GRIN2A: variants seen among roughly 807,000 people sequenced by gnomAD.
GRIN2A encodes the protein glutamate ionotropic receptor NMDA type subunit 2A.
A neutral mutation model predicts 113.4 loss-of-function variants in GRIN2A; 22 were observed. That is an observed-to-expected ratio of 0.19 (90% CI 0.14 to 0.28). The LOEUF (loss-of-function observed/expected upper bound fraction) is 0.28, where lower values mean the gene tolerates loss of function less well. Ranked by LOEUF, GRIN2A falls within the 10% of genes least tolerant of loss-of-function variation. GRIN2A has a pLI of 1.00. For missense variants in GRIN2A, 1,502 were observed against 1,887.0 expected (o/e 0.80, Z 3.78); for synonymous variants, 827 against 738.4 (o/e 1.12, Z -1.94).
chr16:10,053,295 C>A (rs140418560), intron 2 of GRIN2A, among the ~76,000 whole-genome samples: 1 of 152,298 alleles, frequency 6.6e-6, no homozygotes, highest in East Asian at 1.9e-4. Flanking sequence ...ATCTACAGGA[C>A]CTTAAATGTC....
intron 7 of GRIN2A, among the ~76,000 whole-genome samples, chr16:9,840,404 T>C (rs994708605): frequency 4.6e-5 from 7 of 152,180 alleles, no homozygotes; most frequent in Admixed American, 3.3e-4. Flanking sequence ...ACCATCCCCA[T>C]GATCCCGTCA....
chr16:10,145,318 C>T (rs1233890008), intron 2 of GRIN2A, among the ~76,000 whole-genome samples: 1 of 152,128 alleles, frequency 6.6e-6, no homozygotes, highest in African/African-American at 2.4e-5. Flanking sequence ...GAGATCTCAT[C>T]TCAGGTGTTC....
chr16:10,129,611 G>A (rs1309832889), intron 2 of GRIN2A, among the ~76,000 whole-genome samples: 1 of 152,192 alleles, frequency 6.6e-6, no homozygotes, highest in East Asian at 1.9e-4. Flanking sequence ...GCAAAGGTGA[G>A]TGTGAGGAAT....
At chr16:10,029,260 T>C (rs2046883274) in intron 2 of GRIN2A, among the ~76,000 whole-genome samples, 1 of 152,012 alleles carries the variant, frequency 6.6e-6, no homozygotes, top group African/African-American at 2.4e-5. Flanking sequence ...AATGGCACAA[T>C]CTTGGCTCAC....
chr16:10,037,520 T>G (rs2047058891), intron 2 of GRIN2A, among the ~76,000 whole-genome samples: 1 of 152,190 alleles, frequency 6.6e-6, no homozygotes, highest in Admixed American at 6.5e-5. Context: ...TTAAAACACT[T>G]TAATGTTTCC....
chr16:9,916,124 A>G (rs2044244596), intron 3 of GRIN2A, among the ~76,000 whole-genome samples: 1 of 152,216 alleles, frequency 6.6e-6, no homozygotes, highest in African/African-American at 2.4e-5. Flanking sequence ...CTCTGTGAAC[A>G]TTATCTGTAA....
At chr16:10,137,601 G>C (rs924779907) in intron 2 of GRIN2A, among the ~76,000 whole-genome samples, 4 of 152,176 alleles carry the variant, frequency 2.6e-5, no homozygotes, top group African/African-American at 9.6e-5. Context: ...TATGGCCACT[G>C]TATGCCTTCC....
intron 2 of GRIN2A, among the ~76,000 whole-genome samples, chr16:10,013,867 C>T (rs1412872792): frequency 6.6e-6 from 1 of 152,204 alleles, no homozygotes; most frequent in African/African-American, 2.4e-5. Context: ...TCCTAGAAAT[C>T]CAGCTATTGA....
At chr16:10,001,641 C>A (rs969692092) in intron 2 of GRIN2A, among the ~76,000 whole-genome samples, 5 of 152,186 alleles carry the variant, frequency 3.3e-5, no homozygotes, top group Admixed American at 3.3e-4. Flanking sequence ...AATCTCCCAT[C>A]TCATCGTTCT....
intron 2 of GRIN2A, among the ~76,000 whole-genome samples, chr16:10,122,390 G>A (rs1275829278): frequency 6.6e-6 from 1 of 152,144 alleles, no homozygotes; most frequent in East Asian, 1.9e-4. Context: ...CAAAAGCGGG[G>A]AGGTAGGGGC....
At chr16:9,954,883 GTCCTT>G (rs1567198175) in intron 2 of GRIN2A, among the ~76,000 whole-genome samples, 13 of 152,106 alleles carry the variant, frequency 8.5e-5, no homozygotes, top group African/African-American at 3.1e-4. Context: ...CCAGGCCAGC[GTCCTT>G]TATGTTCATT....
chr16:9,906,302 T>C (rs1305444460), intron 3 of GRIN2A, among the ~76,000 whole-genome samples: 1 of 152,238 alleles, frequency 6.6e-6, no homozygotes, highest in East Asian at 1.9e-4. Context: ...AACAGTATCC[T>C]GCATTGGAGC....
At chr16:9,854,086 T>C (rs1401328451) in intron 4 of GRIN2A, among the ~76,000 whole-genome samples, 1 of 152,160 alleles carries the variant, frequency 6.6e-6, no homozygotes, top group African/African-American at 2.4e-5. Flanking sequence ...ACTCAGGGCA[T>C]GCCACATGGA....
intron 2 of GRIN2A, among the ~76,000 whole-genome samples, chr16:10,115,523 T>C (rs541811973): frequency 1.3e-5 from 2 of 152,216 alleles, no homozygotes; most frequent in Non-Finnish European, 2.9e-5. Context: ...CGCCCCCCCA[T>C]AAATCATTAT....
chr16:9,892,764 C>T (rs1446758204), intron 3 of GRIN2A, among the ~76,000 whole-genome samples: 4 of 151,944 alleles, frequency 2.6e-5, no homozygotes. Flanking sequence ...CTCCTTGCAG[C>T]TTGAGAAAAA....
chr16:9,976,738 T>C (rs779470294), intron 2 of GRIN2A, among the ~76,000 whole-genome samples: 3 of 152,140 alleles, frequency 2.0e-5, no homozygotes, highest in Non-Finnish European at 4.4e-5. Context: ...CTCCCACCTT[T>C]AGGAGCCTCA....
intron 4 of GRIN2A, among the ~76,000 whole-genome samples, chr16:9,880,819 A>G (rs1423016997): frequency 6.6e-6 from 1 of 152,196 alleles, no homozygotes; most frequent in African/African-American, 2.4e-5. Flanking sequence ...AATCCTCCAT[A>G]CAAACGCCCT....
intron 4 of GRIN2A, among the ~76,000 whole-genome samples, chr16:9,890,701 A>G (rs2043675769): frequency 2.0e-5 from 3 of 152,248 alleles, no homozygotes; most frequent in Admixed American, 6.5e-5. Flanking sequence ...GCTGCAACCC[A>G]GACTTCACTG....
At chr16:9,929,256 CTGAT>C (rs1409284594) in intron 3 of GRIN2A, among the ~76,000 whole-genome samples, 1 of 151,542 alleles carries the variant, frequency 6.6e-6, no homozygotes, top group Non-Finnish European at 1.5e-5. Context: ...ACTCTTCTCT[CTGAT>C]TGCCTACTGA....
Sources: gnomAD v4.1 joint callset for allele counts (sites outside exome capture counted in the v4.1 genomes callset) on GRCh38, gnomAD v4.1.1 for gene constraint, MANE v1.5 for transcripts, NCBI Gene and HGNC (gene_info 2026-07-23, HGNC 2026-07-21) for gene names.